The following GIT2 variants were observed in gnomAD, a reference collection of about 807,000 sequenced individuals.
GIT2 encodes ARF GTPase-activating protein GIT2.
Under a neutral mutation model 100.3 loss-of-function variants are expected in GIT2, and 32 were observed. The observed-to-expected ratio is 0.32, with a 90% CI of 0.24 to 0.43. GIT2 has a LOEUF of 0.43. Ranked by LOEUF, GIT2 falls within the 20% of genes least tolerant of loss-of-function variation. GIT2 has a pLI of 1.00. For missense variants in GIT2, 737 were observed against 975.1 expected (o/e 0.76, Z 3.25); for synonymous variants, 353 against 364.1 (o/e 0.97, Z 0.35).
chr12:109,966,659 A>AAAACAAAACAAAAC (rs1565979904), intron 8 of GIT2, among the ~76,000 whole-genome samples: 1 of 152,104 alleles, frequency 6.6e-6, no homozygotes, highest in Admixed American at 6.5e-5. Context: ...CAAAGCAAAA[A>AAAACAAAACAAAAC]AAAACAAAAC....
At position 109,993,863 on chromosome 12, in the gene GIT2, T is replaced by TA. The variant is rs771991069; in HGVS notation, c.53-2104dup. Among the ~76,000 whole-genome samples the TA allele has an allele frequency of 3.3e-3, 464 of 142,490 alleles. 3 individuals carry two copies. The highest frequency in any genetic ancestry group is 7.1e-3 in the Middle Eastern group (2 of 280). The allele number at this position is 142,490 out of a possible 152,430, so 93.5% of individuals were successfully genotyped here. A position where few individuals can be genotyped will look rare whatever the true frequency, so the allele number is the denominator to read the frequency against. Reference sequence around the variant, plus strand: ...TGTATTTGAAATGAACCAGATTCATTAAAAAAAAAAAAGTAGAATATTTAA... The same window carrying TA: ...TGTATTTGAAATGAACCAGATTCATTAAAAAAAAAAAAAGTAGAATATTTAA... On this transcript the variant is annotated intron_variant, in intron 1 of 19. Transcript: ENST00000355312.
At chr12:109,997,651 A>G (rs556501295), upstream of GIT2, 1 of 152,374 alleles carries the variant, frequency 6.6e-6, no homozygotes, top group South Asian at 2.1e-4. Context: ...TTAAACATTC[A>G]TTTTGGCTAA....
rs1876579256 is a variant in GIT2, at chr12:109,947,201, C to G, written c.1641+55G>C. The G allele has an allele frequency of 3.9e-6, 6 of 1,547,108 alleles. No homozygotes were observed. Among genetic ancestry groups the G allele is most frequent in the Non-Finnish European group, 4.4e-6 (5 of 1,137,668 alleles). ...GGACCTGTAGGTTCAGAAGAGGGAA[C>G]AGAGTAGACAGGCTGCATAGAGTGA... On this transcript the variant is annotated intron_variant, in intron 15 of 19. Coordinates refer to ENST00000355312, the MANE Select transcript of GIT2 (RefSeq NM_057169.5). This position sits in a 1 kb window ranked among gnomAD's most constrained non-coding sequence, Gnocchi z 4.3.
At chr12:109,941,242 C>T (rs947437809) in intron 16 of GIT2, among the ~76,000 whole-genome samples, 3 of 152,190 alleles carry the variant, frequency 2.0e-5, no homozygotes, top group Non-Finnish European at 2.9e-5. Context: ...AATGATTAAA[C>T]GTTAGCTTGG....
chr12:109,965,999 T>G (rs1299197375), intron 8 of GIT2, among the ~76,000 whole-genome samples: 1 of 148,730 alleles, frequency 6.7e-6, no homozygotes, highest in Non-Finnish European at 1.5e-5. Context: ...GGGTTGTTTT[T>G]TTTTTTTTTT....
chr12:109,942,567 C>A (rs1875099828), intron 16 of GIT2, among the ~76,000 whole-genome samples: 1 of 152,174 alleles, frequency 6.6e-6, no homozygotes. Context: ...CTACCGAGCT[C>A]AGGCAATCTA....
intron 3 of GIT2, 65 bp downstream of exon 3, chr12:109,989,625 G>T: frequency 1.1e-6 from 1 of 908,280 alleles, no homozygotes; most frequent in Non-Finnish European, 1.8e-6. Flanking sequence ...AAAAATAGCT[G>T]CACTCCTTTC....
In GIT2 at chr12:109,953,189, A is replaced by C. The variant is rs1565955305; in HGVS notation, c.1145T>G (p.Val382Gly). The C allele has an allele frequency of 6.2e-7, 1 of 1,613,790 alleles. No homozygotes were observed. The highest frequency in any genetic ancestry group is 8.5e-7 in the Non-Finnish European group (1 of 1,179,808). The change falls in exon 13 of 20, where the codon GTT becomes GGT. Residue 382 changes from valine (V) to glycine (G), a missense_variant. Around this residue, in one of 3 missense-constraint regions of GIT2, gnomAD observed 451 missense variants for 543.7 expected, o/e 0.83. Coordinates refer to ENST00000355312, the MANE Select transcript of GIT2 (RefSeq NM_057169.5). The part of the protein sequence containing the change: ...ILKTINNQHS[V>G]ESQDNDQPDY... ...GGGCTGATCGTTGTCTTGACTCTCA[A>C]CGCTGTGCTGGTTATTGATGGTTTT...
rs1877022967 is a variant in GIT2 at position 109,948,757 on chromosome 12, C to CT, written c.1393-1254dup. ...CAAACCCATTCAATGTTAGGAGTTACTTTCAATTTTTATTTAGAAAGCACC... is the reference window on the plus strand; with the variant it reads ...CAAACCCATTCAATGTTAGGAGTTACTTTTCAATTTTTATTTAGAAAGCACC... On this transcript the variant is annotated intron_variant, in intron 14 of 19. Transcript: ENST00000355312. This position sits in a 1 kb window ranked among gnomAD's most constrained non-coding sequence, Gnocchi z 4.3. The CT allele has an allele frequency of 2.5e-6, 4 of 1,574,478 alleles. No individual in the cohort carries two copies. The Admixed American group carries it at 6.0e-5, about 24-fold the overall frequency.
In GIT2 at chr12:109,967,586, C is replaced by T. The variant is rs1170261891; in HGVS notation, c.719-83G>A. The T allele has an allele frequency of 2.0e-5, 19 of 965,328 alleles. No homozygotes were observed. In the Admixed American group the frequency reaches 2.9e-4, roughly 15 times the overall value. The allele number at this position is 965,328 out of a possible 1,614,324, so 59.8% of individuals were successfully genotyped here. A position where few individuals can be genotyped will look rare whatever the true frequency, so the allele number is the denominator to read the frequency against. On this transcript the variant is annotated intron_variant, in intron 7 of 19. Coordinates refer to ENST00000355312, the MANE Select transcript of GIT2 (RefSeq NM_057169.5). The stretch of plus-strand genomic sequence containing the variant: ...GGAACATCACCATTATTTCCTCAAA[C>T]TAAGTTTTGCGATTAGTATTTGTGC...
Position 109,947,578 on chromosome 12 carries a change from T to C in GIT2, c.1393-74A>G. ...AAAAAGCAAACACCAAGTAAATGAA[T>C]ACAACTACCAGTTTTAAACAATAAG... is the stretch of plus-strand genomic sequence containing the variant. On this transcript the variant is annotated intron_variant, in intron 14 of 19. Coordinates refer to ENST00000355312, the MANE Select transcript of GIT2 (RefSeq NM_057169.5). This position sits in a 1 kb window ranked among gnomAD's most constrained non-coding sequence, Gnocchi z 4.3. 6 of 1,347,878 alleles carry C rather than the reference T, an allele frequency of 4.5e-6. No individual in the cohort carries two copies. The highest frequency in any genetic ancestry group is 6.2e-6 in the Non-Finnish European group (6 of 960,680). The allele number at this position is 1,347,878 out of a possible 1,614,324, so 83.5% of individuals were successfully genotyped here. A position where few individuals can be genotyped will look rare whatever the true frequency, so the allele number is the denominator to read the frequency against.
chr12:109,941,439 G>A (rs1874656835), intron 16 of GIT2, among the ~76,000 whole-genome samples: 1 of 152,068 alleles, frequency 6.6e-6, no homozygotes, highest in Admixed American at 6.6e-5. Context: ...CAAGCACTGT[G>A]GTCTTCCAGA....
At chr12:109,981,077 T>C in intron 6 of GIT2, 31 bp from the exon 7 acceptor site, 2 of 1,368,538 alleles carry the variant, frequency 1.5e-6, no homozygotes, top group Non-Finnish European at 2.1e-6. Flanking sequence ...ACCATTTATA[T>C]TGCTCACTAT....
chr12:109,932,263 T>G lies in GIT2; in HGVS notation c.*715A>C, dbSNP rs550548583. On this transcript the variant is annotated 3_prime_UTR_variant, in exon 20 of 20. Coordinates refer to ENST00000355312, the MANE Select transcript of GIT2 (RefSeq NM_057169.5). Reference sequence around the variant, plus strand: ...GTGCGTGGAGCTCCTACCCTGAACATGGCTTCATGAGATGTCCTGTGGTGG... The same window carrying G: ...GTGCGTGGAGCTCCTACCCTGAACAGGGCTTCATGAGATGTCCTGTGGTGG... The G allele has an allele frequency of 6.6e-6, 1 of 152,250 alleles. No individual in the cohort carries two copies. The highest frequency in any genetic ancestry group is 2.4e-5 in the African/African-American group (1 of 41,456). The allele number at this position is 152,250 out of a possible 1,614,324, so 9.4% of individuals were successfully genotyped here.
In GIT2 at chr12:109,947,825, G is replaced by A. The variant is rs1876756103; in HGVS notation, c.1393-321C>T. 9 of 298,118 alleles carry A rather than the reference G, an allele frequency of 3.0e-5. No individual in the cohort carries two copies. Among genetic ancestry groups the A allele is most frequent in the Middle Eastern group, 1.1e-3 (1 of 904 alleles). The allele number at this position is 298,118 out of a possible 1,614,324, so 18.5% of individuals were successfully genotyped here. A position where few individuals can be genotyped will look rare whatever the true frequency, so the allele number is the denominator to read the frequency against. Reference sequence around the variant, plus strand: ...GCTGGGAAATGTTTGCAGGCAAGCTGTACACTGGATTATTACTAAGGCTGT... The same window carrying A: ...GCTGGGAAATGTTTGCAGGCAAGCTATACACTGGATTATTACTAAGGCTGT... On this transcript the variant is annotated intron_variant, in intron 14 of 19. Transcript: ENST00000355312. This position sits in a 1 kb window ranked among gnomAD's most constrained non-coding sequence, Gnocchi z 4.3.
At chr12:109,957,525 G>A (rs938665160) in intron 12 of GIT2, among the ~76,000 whole-genome samples, 1 of 103,582 alleles carries the variant, frequency 9.7e-6, no homozygotes, top group Non-Finnish European at 2.0e-5. Flanking sequence ...TTTTTTTTTT[G>A]AGACGGAGTC....
chr12:109,992,130 CAAGAT>C (rs942925031), intron 1 of GIT2: 1 of 140,628 alleles, frequency 7.1e-6, no homozygotes, highest in Non-Finnish European at 1.5e-5. Flanking sequence ...CCATAAAAAT[CAAGAT>C]AATACTTTTT....
At chr12:109,940,208 AAC>A (rs1464778790) in intron 16 of GIT2, 1 of 152,226 alleles carries the variant, frequency 6.6e-6, no homozygotes, top group Non-Finnish European at 1.5e-5. Flanking sequence ...AGCACTGCTA[AAC>A]ACACGATCTT....
chr12:109,998,833 G>A (rs1234424625), upstream of GIT2: 1 of 152,160 alleles, frequency 6.6e-6, no homozygotes, highest in East Asian at 1.9e-4. Context: ...TACTGGCATT[G>A]AGTGGGGAGA....
Sources: gnomAD v4.1 joint callset for allele counts (sites outside exome capture counted in the v4.1 genomes callset) on GRCh38, gnomAD v4.1.1 for gene constraint, gnomAD v4.1.1 regional missense constraint, Gnocchi (gnomAD v3.1) non-coding constraint, MANE v1.5 for transcripts, NCBI Gene and HGNC (gene_info 2026-07-23, HGNC 2026-07-21) for gene names.